The following NCOA2 variants were observed in gnomAD, a reference collection of about 807,000 sequenced individuals.
The protein encoded by NCOA2 is class E basic helix-loop-helix protein 75.
A neutral mutation model predicts 145.1 loss-of-function variants in NCOA2; 21 were observed. The ratio of observed to expected loss-of-function variants is 0.14; its 90% CI spans 0.10 to 0.21. NCOA2 has a LOEUF of 0.21. Ranked by LOEUF, NCOA2 falls within the 10% of genes least tolerant of loss-of-function variation. The pLI, the probability that NCOA2 is intolerant of heterozygous loss-of-function variation, is 1.00. For missense variants in NCOA2, 1,472 were observed against 1,837.6 expected, an observed-to-expected ratio of 0.80 and a Z score of 3.64; for synonymous variants, 619 against 637.5, an observed-to-expected ratio of 0.97 and a Z score of 0.44.
chr8:70,319,842 C>T (rs1455305015), intron 1 of NCOA2, among the ~76,000 whole-genome samples: 1 of 152,054 alleles, frequency 6.6e-6, no homozygotes, highest in Admixed American at 6.5e-5. Context: ...TTGCAGAATA[C>T]TCATGAAAAT....
At chr8:70,271,197 T>C (rs1368062742) in intron 2 of NCOA2, among the ~76,000 whole-genome samples, 1 of 152,246 alleles carries the variant, frequency 6.6e-6, no homozygotes, top group Admixed American at 6.5e-5. Flanking sequence ...CATTCATTTC[T>C]GGTCCTGATT....
At chr8:70,276,116 T>C (rs1244339233) in intron 2 of NCOA2, among the ~76,000 whole-genome samples, 1 of 152,160 alleles carries the variant, frequency 6.6e-6, no homozygotes, top group Admixed American at 6.5e-5. Flanking sequence ...ACTCAAAGAA[T>C]ACCAATTTCT....
chr8:70,339,120 A>C, intron 1 of NCOA2, among the ~76,000 whole-genome samples: 1 of 152,182 alleles, frequency 6.6e-6, no homozygotes, highest in East Asian at 1.9e-4. Flanking sequence ...AAGGGTATTC[A>C]AATAGGAAGA....
In NCOA2 at chr8:70,208,474, T is replaced by C. The variant is rs148710932; in HGVS notation, c.259+5429A>G. On this transcript the variant is annotated intron_variant, in intron 4 of 22. Transcript: ENST00000452400. ...TAATGAAGGTGGTTACACTAAGCAA[T>C]AGATTTTCAATGTAGACAAAAAAAC... 2.2e-3 allele frequency among the ~76,000 whole-genome samples: 337 copies of C among 152,302 alleles called. 1 individual carries two copies. The highest frequency in any genetic ancestry group is 7.7e-3 in the African/African-American group (322 of 41,554).
chr8:70,361,088 C>G (rs552620436), intron 1 of NCOA2, among the ~76,000 whole-genome samples: 1 of 152,176 alleles, frequency 6.6e-6, no homozygotes, highest in African/African-American at 2.4e-5. Context: ...CCTAAATCCA[C>G]CATTGCTAAT....
At chr8:70,303,510 GA>G (rs935061054) in intron 1 of NCOA2, among the ~76,000 whole-genome samples, 35 of 152,300 alleles carry the variant, frequency 2.3e-4, no homozygotes, top group African/African-American at 7.2e-4. Context: ...GAGAGATAAA[GA>G]TATAAATCAG....
Position 70,110,639 on chromosome 8 carries a change from T to TA in NCOA2, c.*2992_*2993insT, listed in dbSNP as rs1806457311. The TA allele has an allele frequency of 9.5e-6, 2 of 211,598 alleles. No individual in the cohort carries two copies. The highest frequency in any genetic ancestry group is 3.7e-4 in the South Asian group (2 of 5,354). 13.1% of individuals were successfully genotyped at this position (211,598 alleles called of 1,614,324 possible). On this transcript the variant is annotated 3_prime_UTR_variant, in exon 23 of 23. Transcript: ENST00000452400. Reference sequence around the variant, plus strand: ...GTGGATCTGTGCCACCCATTTCATGTGTTAAGCCCATATGAACTCCATTTT... The same window carrying TA: ...GTGGATCTGTGCCACCCATTTCATGTAGTTAAGCCCATATGAACTCCATTTT...
chr8:70,121,686 T>C (rs1353982232), intron 21 of NCOA2, among the ~76,000 whole-genome samples: 1 of 152,250 alleles, frequency 6.6e-6, no homozygotes, highest in Non-Finnish European at 1.5e-5. Flanking sequence ...TTTTGTGCCA[T>C]AACCAGCATG....
intron 4 of NCOA2, among the ~76,000 whole-genome samples, chr8:70,185,635 G>C (rs1815986956): frequency 6.6e-6 from 1 of 152,132 alleles, no homozygotes; most frequent in Admixed American, 6.5e-5. Flanking sequence ...GCGTGGAGGT[G>C]GAACAACTCC....
the NCOA2 span, among the ~76,000 whole-genome samples, chr8:70,425,608 G>A: frequency 3.9e-5 from 6 of 151,906 alleles, no homozygotes; most frequent in African/African-American, 7.3e-5. Context: ...CTTTTTCACC[G>A]TGCTTCACCC....
chr8:70,256,147 G>C (rs1226865992), intron 2 of NCOA2, among the ~76,000 whole-genome samples: 1 of 152,188 alleles, frequency 6.6e-6, no homozygotes, highest in Non-Finnish European at 1.5e-5. Flanking sequence ...TCCCTAGCAA[G>C]AGGGGAAGGT....
intron 1 of NCOA2, among the ~76,000 whole-genome samples, chr8:70,359,124 A>T (rs1037919805): frequency 6.6e-6 from 1 of 152,226 alleles, no homozygotes. Context: ...GAAACCTCAT[A>T]CATTGCTGAA....
At chr8:70,321,001 C>A (rs1170934625) in intron 1 of NCOA2, among the ~76,000 whole-genome samples, 7 of 152,174 alleles carry the variant, frequency 4.6e-5, no homozygotes, top group Non-Finnish European at 8.8e-5. Context: ...TTCGCAGTGA[C>A]CTGTGATCCT....
chr8:70,255,346 A>G (rs1024805691), intron 2 of NCOA2, among the ~76,000 whole-genome samples: 4 of 152,244 alleles, frequency 2.6e-5, no homozygotes, highest in Non-Finnish European at 5.9e-5. Context: ...ACTAAACAAG[A>G]GAAACTCACA....
At chr8:70,375,307 C>A (rs1471660153) in intron 1 of NCOA2, among the ~76,000 whole-genome samples, 1 of 152,104 alleles carries the variant, frequency 6.6e-6, no homozygotes, top group African/African-American at 2.4e-5. Flanking sequence ...GGAAGGCTAC[C>A]CAACTCCGTA....
At chr8:70,456,269 A>G in the NCOA2 span, among the ~76,000 whole-genome samples, 1 of 152,186 alleles carries the variant, frequency 6.6e-6, no homozygotes, top group Non-Finnish European at 1.5e-5. Context: ...CTAAAGCAAG[A>G]AAAAGAATAA....
intron 2 of NCOA2, among the ~76,000 whole-genome samples, chr8:70,222,842 A>G (rs1030086078): frequency 6.6e-6 from 1 of 152,222 alleles, no homozygotes; most frequent in African/African-American, 2.4e-5. Flanking sequence ...ATACATAAGT[A>G]GCAGGGAGCT....
chr8:70,266,859 G>A (rs1034676689), intron 2 of NCOA2, among the ~76,000 whole-genome samples: 2 of 152,094 alleles, frequency 1.3e-5, no homozygotes, highest in Non-Finnish European at 2.9e-5. Context: ...TGCTCTTTTT[G>A]TTAATGTATA....
intron 17 of NCOA2, 74 bp from the exon 18 acceptor site, chr8:70,128,584 A>C: frequency 9.4e-6 from 15 of 1,591,924 alleles, no homozygotes; most frequent in Non-Finnish European, 1.3e-5. Context: ...TTTCCCAAGT[A>C]ACTGCCCTCC....
Sources: gnomAD v4.1 joint callset for allele counts (sites outside exome capture counted in the v4.1 genomes callset) on GRCh38, gnomAD v4.1.1 for gene constraint, MANE v1.5 for transcripts, NCBI Gene and HGNC (gene_info 2026-07-23, HGNC 2026-07-21) for gene names.